The following PLA2G10 variants were observed in gnomAD, a reference collection of about 807,000 sequenced individuals.
PLA2G10 encodes group 10 secretory phospholipase A2.
A neutral mutation model predicts 7.9 loss-of-function variants in PLA2G10; 9 were observed. The ratio of observed to expected loss-of-function variants is 1.14; its 90% CI spans 0.68 to 1.98. The LOEUF (loss-of-function observed/expected upper bound fraction) is 1.98. Ranked by LOEUF, PLA2G10 falls within the 30% of genes most tolerant of loss-of-function variation. The pLI is 0.00. For missense variants in PLA2G10, 53 were observed against 65.4 expected, an observed-to-expected ratio of 0.81 and a Z score of 0.66; for synonymous variants, 19 against 27.5, an observed-to-expected ratio of 0.69 and a Z score of 0.97.
chr16:14,676,954 G>A (rs1960740816), intron 3 of PLA2G10, among the ~76,000 whole-genome samples: 2 of 151,984 alleles, frequency 1.3e-5, no homozygotes, highest in Non-Finnish European at 2.9e-5. Flanking sequence ...GTGGTATAAC[G>A]GACACATTGG....
intron 3 of PLA2G10, among the ~76,000 whole-genome samples, chr16:14,673,011 CTTTTCTTTT>C (rs979872961): frequency 7.0e-6 from 1 of 142,720 alleles, no homozygotes; most frequent in Non-Finnish European, 1.5e-5. Context: ...TTTCTTTTTT[CTTTTCTTTT>C]TTTTTTTTTT....
At chr16:14,679,519 G>A (rs1285662878) in intron 3 of PLA2G10, among the ~76,000 whole-genome samples, 1 of 151,972 alleles carries the variant, frequency 6.6e-6, no homozygotes, top group African/African-American at 2.4e-5. Flanking sequence ...AATTAGCCAG[G>A]TGTGGTGGCA....
intron 3 of PLA2G10, among the ~76,000 whole-genome samples, chr16:14,675,716 A>C (rs780228785): frequency 1.3e-5 from 2 of 151,742 alleles, no homozygotes; most frequent in Non-Finnish European, 2.9e-5. Flanking sequence ...CAAGGTGGGC[A>C]GATCATGAGG....
At chr16:14,677,652 G>A (rs894013455) in intron 3 of PLA2G10, among the ~76,000 whole-genome samples, 3 of 152,064 alleles carry the variant, frequency 2.0e-5, no homozygotes, top group Admixed American at 6.6e-5. Flanking sequence ...CATTGCGCCC[G>A]GAGTTCTAAA....
chr16:14,680,142 A>G (rs1960849771), intron 3 of PLA2G10, among the ~76,000 whole-genome samples: 1 of 143,136 alleles, frequency 7.0e-6, no homozygotes, highest in East Asian at 2.0e-4. Context: ...TCAGTCGCCC[A>G]GGCTGGAGGG....
In PLA2G10 at chr16:14,681,139, G is replaced by A. The variant is rs779835142; in HGVS notation, c.355+7026C>T. 3.3e-5 allele frequency among the ~76,000 whole-genome samples: 5 copies of A among 151,598 alleles called. No homozygotes were observed. In the South Asian group the frequency reaches 6.3e-4, roughly 19 times the overall value. On this transcript the variant is annotated intron_variant, in intron 3 of 3. Coordinates refer to ENST00000438167, the MANE Select transcript of PLA2G10 (RefSeq NM_003561.3). ...AGATAGCACCACTGCACTCCAGCCT[G>A]GGCAACAGAGTGAGACTCTATCTCA...
At position 14,684,353 on chromosome 16, in the gene PLA2G10, A is replaced by AG. The variant is rs1339399471; in HGVS notation, c.355+3811_355+3812insC. Among the ~76,000 whole-genome samples, 4 of 148,820 alleles carry AG rather than the reference A, an allele frequency of 2.7e-5. No individual in the cohort carries two copies. The East Asian group carries it at 8.0e-4, about 30-fold the overall frequency. On this transcript the variant is annotated intron_variant, in intron 3 of 3. Transcript: ENST00000438167. The stretch of plus-strand genomic sequence containing the variant: ...ACTCCATCTCAAAAAAAAAAAAAAA[A>AG]AAAAAAAAGGCTAAAAATTAGCTGG...
At chr16:14,683,379 C>A (rs1336577093) in intron 3 of PLA2G10, among the ~76,000 whole-genome samples, 2 of 151,778 alleles carry the variant, frequency 1.3e-5, no homozygotes, top group Admixed American at 1.3e-4. Flanking sequence ...ACTACAGGAG[C>A]ATGCTGCCAC....
chr16:14,677,684 A>C (rs1011177063), intron 3 of PLA2G10, among the ~76,000 whole-genome samples: 25 of 152,092 alleles, frequency 1.6e-4, no homozygotes, highest in African/African-American at 5.8e-4. Context: ...ACCCCAGAAG[A>C]AACCCCATTC....
intron 3 of PLA2G10, among the ~76,000 whole-genome samples, chr16:14,678,969 CT>C (rs1960804049): frequency 6.6e-6 from 1 of 152,094 alleles, no homozygotes; most frequent in African/African-American, 2.4e-5. Flanking sequence ...CACCCAGACA[CT>C]TGTGCGTACC....
chr16:14,672,858 G>T, intron 3 of PLA2G10, 109 bp from the exon 4 acceptor site: 2 of 1,011,464 alleles, frequency 2.0e-6, no homozygotes, highest in Non-Finnish European at 3.0e-6. Context: ...TGAGACACTT[G>T]ACAGCCCACC....
At chr16:14,677,747 T>A (rs1960762421) in intron 3 of PLA2G10, among the ~76,000 whole-genome samples, 1 of 151,096 alleles carries the variant, frequency 6.6e-6, no homozygotes, top group African/African-American at 2.4e-5. Flanking sequence ...GGATGATGGA[T>A]GATGGACAAT....
intron 3 of PLA2G10, among the ~76,000 whole-genome samples, chr16:14,679,438 G>C (rs1039027015): frequency 6.6e-6 from 1 of 151,980 alleles, no homozygotes; most frequent in African/African-American, 2.4e-5. Flanking sequence ...GAGGCGGGCA[G>C]TTCACAAGGT....
chr16:14,688,039 C>T (rs1403109492), intron 3 of PLA2G10, 126 bp downstream of exon 3: 2 of 554,884 alleles, frequency 3.6e-6, no homozygotes, highest in African/African-American at 1.9e-5. Flanking sequence ...TTAGATATAC[C>T]CAAGGGGTGG....
At chr16:14,693,336 T>TGC (rs1961187042) in intron 1 of PLA2G10, among the ~76,000 whole-genome samples, 1 of 34,834 alleles carries the variant, frequency 2.9e-5, no homozygotes, top group Non-Finnish European at 6.1e-5. Context: ...TGTGTGTGTG[T>TGC]GTGTGTGTGT....
chr16:14,686,640 A>T (rs1047800583), intron 3 of PLA2G10, among the ~76,000 whole-genome samples: 4 of 152,072 alleles, frequency 2.6e-5, no homozygotes, highest in Non-Finnish European at 5.9e-5. Context: ...AGCTGGGATT[A>T]CAAGCATGCA....
chr16:14,686,574 C>T (rs1329267101), intron 3 of PLA2G10, among the ~76,000 whole-genome samples: 1 of 152,134 alleles, frequency 6.6e-6, no homozygotes, highest in Non-Finnish European at 1.5e-5. Context: ...GATCTCGGCT[C>T]ACTGCAACCT....
chr16:14,672,815 G>T, intron 3 of PLA2G10, 66 bp from the exon 4 acceptor site: 1 of 1,494,956 alleles, frequency 6.7e-7, no homozygotes, highest in Non-Finnish European at 9.3e-7. Context: ...AACCAGTAAA[G>T]CAAGAGGCAG....
intron 3 of PLA2G10, among the ~76,000 whole-genome samples, chr16:14,675,944 A>G (rs898769600): frequency 5.3e-5 from 8 of 151,174 alleles, no homozygotes; most frequent in Non-Finnish European, 1.0e-4. Flanking sequence ...AAAAAAAAAA[A>G]AAAAAAAAGT....
Sources: gnomAD v4.1 joint callset for allele counts (sites outside exome capture counted in the v4.1 genomes callset) on GRCh38, gnomAD v4.1.1 for gene constraint, MANE v1.5 for transcripts, NCBI Gene and HGNC (gene_info 2026-07-23, HGNC 2026-07-21) for gene names.